Variants in PHF21B observed in about 807,000 individuals in gnomAD.
PHF21B encodes PHD finger protein 21B.
A neutral mutation model predicts 62.2 loss-of-function variants in PHF21B; 22 were observed. That is an observed-to-expected ratio of 0.35 (90% CI 0.25 to 0.51). PHF21B has a LOEUF of 0.51. Among genes scored for constraint, PHF21B ranks in the 20% least tolerant of loss-of-function variants. The pLI, the probability that PHF21B is intolerant of heterozygous loss-of-function variation, is 0.97. For synonymous variants in PHF21B, 341 were observed against 314.7 expected, an observed-to-expected ratio of 1.08 and a Z score of -0.88; for missense variants, 701 against 707.9, an observed-to-expected ratio of 0.99 and a Z score of 0.11.
intron 2 of PHF21B, among the ~76,000 whole-genome samples, chr22:44,927,091 G>T (rs1297646413): frequency 6.6e-6 from 1 of 152,106 alleles, no homozygotes; most frequent in Non-Finnish European, 1.5e-5. Context: ...AAGGAGGGGA[G>T]ACCCAAAGGA....
chr22:44,888,107 G>C lies in PHF21B; in HGVS notation c.1053C>G (p.His351Gln), dbSNP rs749238504. The change falls in exon 10 of 13, where the codon CAC (histidine) becomes CAG (glutamine). Residue 351 changes from histidine (H) to glutamine (Q), a missense_variant. Coordinates refer to ENST00000313237, the MANE Select transcript of PHF21B (RefSeq NM_138415.5). ...EDPCWKNEIT[H>Q]DEHCAACKRG... is the part of the protein sequence containing the mutation. ...GCTTGCAGGCGGCACAGTGCTCATC[G>C]TGGGTGATCTCGTTCTGGAAGAGAA... The C allele has an allele frequency of 2.4e-5, 37 of 1,532,882 alleles. No homozygotes were observed. In the African/African-American group the frequency reaches 5.0e-4, roughly 21 times the overall value. The allele number at this position is 1,532,882 out of a possible 1,614,324, so 95.0% of individuals were successfully genotyped here.
At chr22:44,944,129 G>A (rs972875035) in intron 2 of PHF21B, among the ~76,000 whole-genome samples, 5 of 152,216 alleles carry the variant, frequency 3.3e-5, no homozygotes, top group African/African-American at 1.2e-4. Flanking sequence ...AAAGGCTGCA[G>A]CTGTTCTGCA....
rs114058451 is a variant in PHF21B, at chr22:44,925,479, G to A, written c.121-4989C>T. ...CCTCCTCTTTGCCACCTGTCCCATG[G>A]GGGTCAAAACTCTGAGAGGCTCATG... On this transcript the variant is annotated intron_variant, in intron 2 of 12. Transcript: ENST00000313237. 4.6e-3 allele frequency among the ~76,000 whole-genome samples: 708 copies of A among 152,266 alleles called. 10 individuals carry two copies. The highest frequency in any genetic ancestry group is 0.016 in the African/African-American group (671 of 41,542).
rs1017969995 is a variant in PHF21B at position 44,883,003 on chromosome 22, T to C, written c.*83A>G. ...TTTTGTCTGAAATTCATAGTGTTTA[T>C]GAATTAAGGCCGACAGAACCCCCAG... On this transcript the variant is annotated 3_prime_UTR_variant, in exon 13 of 13. Coordinates refer to ENST00000313237, the MANE Select transcript of PHF21B (RefSeq NM_138415.5). 7.1e-7 allele frequency: 1 copy of C among 1,416,432 alleles called. No individual in the cohort carries two copies. The highest frequency in any genetic ancestry group is 9.5e-7 in the Non-Finnish European group (1 of 1,051,472). 87.7% of individuals were successfully genotyped at this position (1,416,432 alleles called of 1,614,324 possible). A position where few individuals can be genotyped will look rare whatever the true frequency, so the allele number is the denominator to read the frequency against.
intron 6 of PHF21B, among the ~76,000 whole-genome samples, chr22:44,893,999 T>A (rs2071013601): frequency 6.6e-6 from 1 of 152,222 alleles, no homozygotes; most frequent in East Asian, 1.9e-4. Flanking sequence ...ATCCTTCGCA[T>A]GCGAGCGAGA....
intron 12 of PHF21B, 34 bp from the exon 13 acceptor site, chr22:44,883,338 G>A: frequency 1.9e-6 from 3 of 1,599,864 alleles, no homozygotes; most frequent in South Asian, 2.2e-5. Flanking sequence ...AAGGGTCTCA[G>A]TATTCGGCTC....
At position 44,904,721 on chromosome 22, in the gene PHF21B, G is replaced by A. The variant is rs2071219543; in HGVS notation, c.832-8638C>T. ...GCAATGAGCAGTGGCCAGGAGTGGT[G>A]TAGGGGACTCCAGAGAGGGCCAAGG... is the stretch of plus-strand genomic sequence containing the variant. On this transcript the variant is annotated intron_variant, in intron 5 of 12. Coordinates refer to ENST00000313237, the MANE Select transcript of PHF21B (RefSeq NM_138415.5). 1.5e-5 allele frequency among the ~76,000 whole-genome samples: 2 copies of A among 134,036 alleles called. 1 individual carries two copies. The highest frequency in any genetic ancestry group is 5.3e-4 in the South Asian group (2 of 3,770). The allele number at this position is 134,036 out of a possible 152,430, so 87.9% of individuals were successfully genotyped here.
chr22:44,912,735 A>C (rs2071363991), intron 5 of PHF21B, among the ~76,000 whole-genome samples: 1 of 151,984 alleles, frequency 6.6e-6, no homozygotes, highest in Admixed American at 6.6e-5. Flanking sequence ...AAAATTAGCC[A>C]GTAGTGGTAG....
rs2070769873 is a variant in PHF21B, at chr22:44,883,259, T to C, written c.1423A>G (p.Thr475Ala). 6.2e-7 allele frequency: 1 copy of C among 1,613,760 alleles called. No individual in the cohort carries two copies. Among genetic ancestry groups the C allele is most frequent in the African/African-American group, 1.3e-5 (1 of 74,874 alleles). ...KTSLLARQRG[T>A]QSSLDRLRAL... The stretch of plus-strand genomic sequence containing the variant: ...CGCAGGCGGTCCAGGGATGACTGGG[T>C]GCCCCTCTGGCGGGCCAGCAGGCTT... Residue 475 changes from threonine to alanine, a missense_variant, in exon 13 of 13, where the codon ACC becomes GCC. Coordinates refer to ENST00000313237, the MANE Select transcript of PHF21B (RefSeq NM_138415.5).
intron 2 of PHF21B, among the ~76,000 whole-genome samples, chr22:45,004,227 G>A (rs903916329): frequency 6.6e-6 from 1 of 152,234 alleles, no homozygotes; most frequent in Non-Finnish European, 1.5e-5. Context: ...GGGTGAGTAA[G>A]TCTATGTAAA....
intron 5 of PHF21B, among the ~76,000 whole-genome samples, chr22:44,912,241 T>C (rs912115066): frequency 6.6e-6 from 1 of 152,200 alleles, no homozygotes; most frequent in East Asian, 1.9e-4. Flanking sequence ...CTTTGGACTG[T>C]GGACTTTTGA....
At position 44,898,466 on chromosome 22, in the gene PHF21B, G is replaced by A. The variant is rs79688340; in HGVS notation, c.832-2383C>T. Among the ~76,000 whole-genome samples, 1,034 of 152,064 alleles carry A rather than the reference G, an allele frequency of 6.8e-3. 8 individuals are homozygous for A. The highest frequency in any genetic ancestry group is 0.02 in the African/African-American group (843 of 41,460). On this transcript the variant is annotated intron_variant, in intron 5 of 12. Transcript: ENST00000313237. ...AAGCCACTCTTTCCGTGCCTGCCCC[G>A]TGCCCCCATACCATACTTATTGGGA...
At chr22:44,940,317 G>A (rs530851942) in intron 2 of PHF21B, among the ~76,000 whole-genome samples, 3 of 152,312 alleles carry the variant, frequency 2.0e-5, no homozygotes, top group African/African-American at 7.2e-5. Context: ...CCTGCACCCA[G>A]CGCCAATGCC....
Position 45,008,618 on chromosome 22 carries a change from A to G in PHF21B, c.55-8T>C. The G allele has an allele frequency of 6.3e-7, 1 of 1,581,046 alleles. No individual in the cohort carries two copies. Among genetic ancestry groups the G allele is most frequent in the South Asian group, 1.2e-5 (1 of 86,182 alleles). ...CTTCTTGAGGTCGCCGTTCTGCGGAAACACGGAGGAGCGGGCTCAGGCAGG... is the reference window on the plus strand; with the variant it reads ...CTTCTTGAGGTCGCCGTTCTGCGGAGACACGGAGGAGCGGGCTCAGGCAGG... On this transcript the variant is annotated splice_polypyrimidine_tract_variant and splice_region_variant and intron_variant, in intron 1 of 12. Coordinates refer to ENST00000313237, the MANE Select transcript of PHF21B (RefSeq NM_138415.5).
At chr22:44,928,047 C>T (rs1013505459) in intron 2 of PHF21B, among the ~76,000 whole-genome samples, 2 of 152,164 alleles carry the variant, frequency 1.3e-5, no homozygotes, top group African/African-American at 2.4e-5. Context: ...GACCCTACAA[C>T]CTTCCAGGGC....
intron 2 of PHF21B, among the ~76,000 whole-genome samples, chr22:44,980,933 T>C (rs758080578): frequency 1.3e-5 from 2 of 152,238 alleles, no homozygotes; most frequent in African/African-American, 2.4e-5. Context: ...GTCTTGCTGC[T>C]AATACATTTA....
chr22:44,952,578 G>A (rs773373578), intron 2 of PHF21B, among the ~76,000 whole-genome samples: 24 of 152,264 alleles, frequency 1.6e-4, no homozygotes, highest in Non-Finnish European at 2.5e-4. Context: ...CAACTGATGG[G>A]AATTACATCT....
intron 10 of PHF21B, among the ~76,000 whole-genome samples, chr22:44,887,754 C>CA (rs59049105): frequency 0.071 from 5,108 of 71,546 alleles, 306 homozygotes; most frequent in African/African-American, 0.16. Flanking sequence ...GACTCTGTCT[C>CA]AAAAAAAAAA....
At chr22:45,006,887 T>A (rs2073323971) in intron 2 of PHF21B, among the ~76,000 whole-genome samples, 1 of 151,912 alleles carries the variant, frequency 6.6e-6, no homozygotes, top group Non-Finnish European at 1.5e-5. Flanking sequence ...GTATCTGATT[T>A]GATTCTACGC....
Sources: allele counts gnomAD v4.1 joint callset (sites outside exome capture counted in the v4.1 genomes callset), GRCh38; gene constraint gnomAD v4.1.1; transcripts MANE v1.5; gene names NCBI Gene and HGNC (gene_info 2026-07-23, HGNC 2026-07-21).